FAM210A: variants seen among roughly 807,000 people sequenced by gnomAD.
FAM210A encodes mitochondrial inner membrane scaffold 1.
In FAM210A, 13 loss-of-function variants were observed where a neutral mutation model predicts 25.3. That is an observed-to-expected ratio of 0.51 (90% CI 0.33 to 0.82). FAM210A has a LOEUF of 0.82. Ranked by LOEUF, FAM210A falls within the 40% of genes least tolerant of loss-of-function variation. The pLI, the probability that FAM210A is intolerant of heterozygous loss-of-function variation, is 0.02. For missense variants in FAM210A, 319 were observed against 323.2 expected (o/e 0.99, Z 0.10); for synonymous variants, 125 against 118.7 (o/e 1.05, Z -0.35).
intron 1 of FAM210A, among the ~76,000 whole-genome samples, chr18:13,714,640 T>C (rs758828608): frequency 6.6e-6 from 1 of 152,222 alleles, no homozygotes; most frequent in Non-Finnish European, 1.5e-5. Context: ...TTCAGTCTTC[T>C]TTGACCTTGG....
Position 13,666,666 on chromosome 18 carries a change from G to C in FAM210A, c.633C>G (p.Val211=). Residue 211 remains valine, a synonymous_variant, in exon 4 of 4, where the codon GTC becomes GTG. Transcript: ENST00000651643. The part of the protein sequence containing the change: ...RYTVTLGGTS[V]TVKYLRSHGY... ...CATGACTGCGCAGATACTTCACAGT[G>C]ACAGATGTTCCTCCCAAAGTCACGG... is the stretch of plus-strand genomic sequence containing the variant. The C allele has an allele frequency of 6.2e-7, 1 of 1,614,176 alleles. No homozygotes were observed.
At chr18:13,706,989 C>T (rs146858815) in intron 1 of FAM210A, among the ~76,000 whole-genome samples, 1 of 152,270 alleles carries the variant, frequency 6.6e-6, no homozygotes, top group East Asian at 1.9e-4. Flanking sequence ...ACTATCCTCC[C>T]GACAGTCATG....
At chr18:13,694,314 T>C (rs1056478238) in intron 1 of FAM210A, among the ~76,000 whole-genome samples, 6 of 152,006 alleles carry the variant, frequency 3.9e-5, no homozygotes, top group Admixed American at 3.9e-4. Context: ...AATTTATAGA[T>C]TCAATGCCAT....
intron 1 of FAM210A, chr18:13,697,552 A>C (rs2043704503): frequency 6.5e-6 from 1 of 154,612 alleles, no homozygotes; most frequent in African/African-American, 2.4e-5. Flanking sequence ...CTTACCATAC[A>C]ATCCAACAAT....
intron 1 of FAM210A, among the ~76,000 whole-genome samples, chr18:13,702,053 C>CA (rs1460201801): frequency 6.6e-6 from 1 of 152,210 alleles, no homozygotes; most frequent in Non-Finnish European, 1.5e-5. Flanking sequence ...CGTGGTTCCA[C>CA]AAAACAGAAA....
At chr18:13,667,054 CAT>C (rs1209183141) in intron 3 of FAM210A, among the ~76,000 whole-genome samples, 9 of 152,248 alleles carry the variant, frequency 5.9e-5, no homozygotes, top group East Asian at 1.9e-4. Context: ...CAGAGGAACA[CAT>C]GTTTCTATTC....
intron 2 of FAM210A, among the ~76,000 whole-genome samples, chr18:13,679,716 T>C (rs1343499713): frequency 1.3e-5 from 2 of 152,182 alleles, no homozygotes; most frequent in African/African-American, 4.8e-5. Context: ...AAGGGTATTA[T>C]TTTAAAGTAG....
intron 1 of FAM210A, among the ~76,000 whole-genome samples, chr18:13,690,505 G>A (rs1056425604): frequency 1.3e-5 from 2 of 152,206 alleles, no homozygotes; most frequent in African/African-American, 4.8e-5. Flanking sequence ...ACACCTCCCA[G>A]TAGGGGCCGA....
chr18:13,681,805 T>A lies in FAM210A; in HGVS notation c.273A>T (p.Ser91=). 1.2e-6 allele frequency: 2 copies of A among 1,614,220 alleles called. No homozygotes were observed. The highest frequency in any genetic ancestry group is 8.5e-7 in the Non-Finnish European group (1 of 1,180,042). The change falls in exon 2 of 4, where the codon TCA becomes TCT. Residue 91 remains serine (S), a synonymous_variant. Transcript: ENST00000651643. ...LRHKQGKQHV[S]FRRVFSSSAT... ...CACTGGATGAAAAAACCCTCCTGAA[T>A]GAAACATGTTGCTTCCCTTGCTTAT...
intron 1 of FAM210A, among the ~76,000 whole-genome samples, chr18:13,721,203 G>A (rs1322983109): frequency 6.6e-6 from 1 of 152,202 alleles, no homozygotes; most frequent in Non-Finnish European, 1.5e-5. Context: ...AGGTAGGACA[G>A]TGAAGGTGTA....
At chr18:13,699,094 A>G (rs1466217027) in intron 1 of FAM210A, among the ~76,000 whole-genome samples, 1 of 152,148 alleles carries the variant, frequency 6.6e-6, no homozygotes, top group Non-Finnish European at 1.5e-5. Flanking sequence ...GGCGTGAGCC[A>G]CCGCCTGGCC....
chr18:13,681,560 A>G (rs2043553675), intron 2 of FAM210A, 45 bp downstream of exon 2: 2 of 1,430,144 alleles, frequency 1.4e-6, no homozygotes, highest in South Asian at 2.7e-5. Flanking sequence ...AAAGATTAAT[A>G]TTCTGGTAAG....
At chr18:13,704,227 G>T (rs957905739) in intron 1 of FAM210A, among the ~76,000 whole-genome samples, 1 of 152,188 alleles carries the variant, frequency 6.6e-6, no homozygotes, top group African/African-American at 2.4e-5. Context: ...AGGCATGGGA[G>T]TGTAAGTTTT....
intron 2 of FAM210A, among the ~76,000 whole-genome samples, chr18:13,680,309 T>C (rs960363697): frequency 6.6e-5 from 10 of 152,154 alleles, no homozygotes; most frequent in Admixed American, 4.6e-4. Flanking sequence ...AAAAATGTCA[T>C]TAATAAACCA....
At position 13,681,632 on chromosome 18, in the gene FAM210A, A is replaced by C; in HGVS notation, c.446T>G (p.Phe149Cys). The change falls in exon 2 of 4, where the codon TTT becomes TGT. Residue 149 changes from phenylalanine (F) to cysteine (C), a missense_variant. Phe to Cys is a radical substitution (Grantham distance 205). Transcript: ENST00000651643. ...PVHLITSGVW[F>C]GTFYYAALKG... is the part of the protein sequence containing the mutation. ...CAAGGCTGCATAATAAAATGTTCCA[A>C]ACCAAACACCAGAAGTTATTAGATG... The C allele has an allele frequency of 6.2e-7, 1 of 1,608,144 alleles. No individual in the cohort carries two copies. The highest frequency in any genetic ancestry group is 8.5e-7 in the Non-Finnish European group (1 of 1,177,634).
At chr18:13,723,536 G>A (rs1046860391) in intron 1 of FAM210A, among the ~76,000 whole-genome samples, 2 of 152,290 alleles carry the variant, frequency 1.3e-5, no homozygotes, top group Admixed American at 1.3e-4. Context: ...GCAGTCTTGA[G>A]GAAAATACTG....
intron 1 of FAM210A, among the ~76,000 whole-genome samples, chr18:13,683,397 T>C (rs772020915): frequency 7.2e-5 from 11 of 152,066 alleles, no homozygotes; most frequent in Non-Finnish European, 1.5e-4. Context: ...GGCATCAGCA[T>C]AGAACAAAGA....
Position 13,681,897 on chromosome 18 carries a change from C to G in FAM210A, c.181G>C (p.Ala61Pro), listed in dbSNP as rs771730636. The stretch of plus-strand genomic sequence containing the variant: ...CTCCTTTCCTTTGCAACACACTGGG[C>G]AGCAGATAAATGCAACCATTGTTTT... ...PQKQWLHLSA[A>P]QCVAKERRPL... The change falls in exon 2 of 4, where the codon GCC becomes CCC. Residue 61 changes from alanine (A) to proline (P), a missense_variant. Ala to Pro is a conservative substitution (Grantham distance 27). Transcript: ENST00000651643. The G allele has an allele frequency of 2.5e-6, 4 of 1,614,074 alleles. No homozygotes were observed. In the African/African-American group the frequency reaches 5.3e-5, roughly 22 times the overall value.
intron 3 of FAM210A, among the ~76,000 whole-genome samples, chr18:13,669,977 T>A (rs1157142818): frequency 1.3e-5 from 2 of 152,074 alleles, no homozygotes; most frequent in Non-Finnish European, 2.9e-5. Context: ...CCCCTCCATA[T>A]CTCCTACTTC....
Sources: allele counts gnomAD v4.1 joint callset (sites outside exome capture counted in the v4.1 genomes callset), GRCh38; gene constraint gnomAD v4.1.1; transcripts MANE v1.5; gene names NCBI Gene and HGNC (gene_info 2026-07-23, HGNC 2026-07-21).